The following UBE2W variants were observed in gnomAD, a reference collection of about 807,000 sequenced individuals.
UBE2W encodes ubiquitin conjugating enzyme E2 W, also known as ubiquitin-conjugating enzyme E2 W.
A neutral mutation model predicts 27.2 loss-of-function variants in UBE2W; 18 were observed. The ratio of observed to expected loss-of-function variants is 0.66; its 90% CI spans 0.46 to 0.98. The LOEUF is 0.98. UBE2W is among the 50% of genes least tolerant of loss of function. The pLI, the probability that UBE2W is intolerant of heterozygous loss-of-function variation, is 0.00. For missense variants in UBE2W, 90 were observed against 180.2 expected (o/e 0.50, Z 2.87); for synonymous variants, 53 against 57.2 (o/e 0.93, Z 0.33).
intron 3 of UBE2W, among the ~76,000 whole-genome samples, chr8:73,812,797 G>C: frequency 6.6e-6 from 1 of 152,012 alleles, no homozygotes; most frequent in East Asian, 1.9e-4. Flanking sequence ...GAGGTCAGCA[G>C]TTTGAGACCA....
At chr8:73,870,888 C>T (rs1172786249) in intron 1 of UBE2W, among the ~76,000 whole-genome samples, 2 of 147,636 alleles carry the variant, frequency 1.4e-5, no homozygotes, top group Non-Finnish European at 3.0e-5. Flanking sequence ...AAGAGCATTC[C>T]AAATAGAGAA....
chr8:73,856,357 AT>A lies in UBE2W; in HGVS notation c.15+22450del, dbSNP rs34593904. ...ATAGACAAATTATATACACTTATGA[AT>A]TTTTTTTTTTTTTTTTTTTTTTTGA... On this transcript the variant is annotated intron_variant, in intron 1 of 5. Coordinates refer to ENST00000602593, the MANE Select transcript of UBE2W (RefSeq NM_018299.6). Among the ~76,000 whole-genome samples the A allele has an allele frequency of 6.7e-3, 598 of 89,322 alleles. 3 individuals carry two copies. The highest frequency in any genetic ancestry group is 0.024 in the African/African-American group (548 of 22,526). 58.6% of individuals were successfully genotyped at this position (89,322 alleles called of 152,430 possible). A position where few individuals can be genotyped will look rare whatever the true frequency, so the allele number is the denominator to read the frequency against.
chr8:73,878,839 C>A lies in UBE2W; in HGVS notation c.-17G>T, dbSNP rs1015232386. ...TGACGCCATGATGGAACCATCCCCC[C>A]AAGACCGGCGAGGCCAGAGACGCAG... is the stretch of plus-strand genomic sequence containing the variant. On this transcript the variant is annotated 5_prime_UTR_variant, in exon 1 of 6. Transcript: ENST00000602593. 27 of 1,549,568 alleles carry A rather than the reference C, an allele frequency of 1.7e-5. No individual in the cohort carries two copies. Among genetic ancestry groups the A allele is most frequent in the Middle Eastern group, 1.7e-4 (1 of 5,978 alleles).
At chr8:73,862,506 C>T (rs952178056) in intron 1 of UBE2W, among the ~76,000 whole-genome samples, 1 of 151,662 alleles carries the variant, frequency 6.6e-6, no homozygotes, top group African/African-American at 2.4e-5. Flanking sequence ...CCATTCAGGA[C>T]ATAGGCATGG....
chr8:73,856,575 G>C (rs759483024), intron 1 of UBE2W, among the ~76,000 whole-genome samples: 1 of 151,412 alleles, frequency 6.6e-6, no homozygotes, highest in African/African-American at 2.4e-5. Flanking sequence ...GGTCTGGCTC[G>C]AACTCCTGAC....
chr8:73,831,946 A>G (rs1810083255), intron 1 of UBE2W: 1 of 151,914 alleles, frequency 6.6e-6, no homozygotes, highest in South Asian at 2.1e-4. Flanking sequence ...AATTTTTAAC[A>G]CGAGTTCCCA....
At chr8:73,833,355 TTAA>T (rs1221466087) in intron 1 of UBE2W, among the ~76,000 whole-genome samples, 2 of 151,668 alleles carry the variant, frequency 1.3e-5, no homozygotes, top group Non-Finnish European at 2.9e-5. Context: ...AAAGAAAATA[TTAA>T]TAAAATTTTA....
At chr8:73,784,249 C>G (rs965814806), downstream of UBE2W, among the ~76,000 whole-genome samples, 3 of 152,150 alleles carry the variant, frequency 2.0e-5, no homozygotes, top group African/African-American at 7.2e-5. Context: ...TGCCTTGATG[C>G]TCACCCAGCA....
intron 1 of UBE2W, chr8:73,831,199 T>G: frequency 2.3e-6 from 1 of 440,874 alleles, no homozygotes; most frequent in Non-Finnish European, 4.2e-6. Flanking sequence ...GTGGCTTTCC[T>G]GGAGAATCTG....
At chr8:73,878,604 C>T (rs893662973) in intron 1 of UBE2W, among the ~76,000 whole-genome samples, 16 of 152,170 alleles carry the variant, frequency 1.1e-4, no homozygotes, top group South Asian at 2.1e-4. Context: ...GTGTCCGCTT[C>T]GACCGACGGA....
Position 73,788,232 on chromosome 8 carries a change from T to C in UBE2W, c.*5870A>G, listed in dbSNP as rs536807426. The stretch of plus-strand genomic sequence containing the variant: ...TACATGTATTAAAAAATATATAACA[T>C]AGATTTGTCTGTTTTAACATTTATA... On this transcript the variant is annotated 3_prime_UTR_variant, in exon 6 of 6. Transcript: ENST00000602593. 3.3e-4 allele frequency: 315 copies of C among 944,262 alleles called. 5 individuals carry two copies. Among genetic ancestry groups the C allele is most frequent in the African/African-American group, 1.4e-3 (78 of 56,254 alleles). 58.5% of individuals were successfully genotyped at this position (944,262 alleles called of 1,614,324 possible).
intron 3 of UBE2W, among the ~76,000 whole-genome samples, chr8:73,822,280 A>C (rs1271835395): frequency 6.6e-6 from 1 of 152,158 alleles, no homozygotes; most frequent in African/African-American, 2.4e-5. Context: ...GGGGGCACTG[A>C]GAGACAGGAC....
rs986850834 is a variant in UBE2W at position 73,812,993 on chromosome 8, G to T, written c.211-2364C>A. Among the ~76,000 whole-genome samples the T allele has an allele frequency of 2.2e-5, 3 of 134,318 alleles. No homozygotes were observed. The Admixed American group carries it at 2.5e-4, about 11-fold the overall frequency. 88.1% of individuals were successfully genotyped at this position (134,318 alleles called of 152,430 possible). A position where few individuals can be genotyped will look rare whatever the true frequency, so the allele number is the denominator to read the frequency against. On this transcript the variant is annotated intron_variant, in intron 3 of 5. Coordinates refer to ENST00000602593, the MANE Select transcript of UBE2W (RefSeq NM_018299.6). ...GCACTCCAGCCTGGGCGACAAGAGCGAAACTCGGCCTTAAAAAAAAAAAAA... is the reference window on the plus strand; with the variant it reads ...GCACTCCAGCCTGGGCGACAAGAGCTAAACTCGGCCTTAAAAAAAAAAAAA...
At chr8:73,855,394 C>CTTTTTT (rs66577299) in intron 1 of UBE2W, among the ~76,000 whole-genome samples, 76 of 84,704 alleles carry the variant, frequency 9.0e-4, no homozygotes, top group South Asian at 1.4e-3. Context: ...ATTCTACTTT[C>CTTTTTT]TTTTTTTTTT....
exon 5 of UBE2W, chr8:73,780,493 G>A (rs1478913241): frequency 2.2e-6 from 1 of 453,252 alleles, no homozygotes; most frequent in East Asian, 7.0e-5. Context: ...ATCCGTAATA[G>A]ATAGTATGAA....
chr8:73,792,763 T>C lies in UBE2W; in HGVS notation c.*1339A>G. 1 of 985,604 alleles carries C rather than the reference T, an allele frequency of 1.0e-6. No homozygotes were observed. The highest frequency in any genetic ancestry group is 5.2e-4 in the Middle Eastern group (1 of 1,914). 61.1% of individuals were successfully genotyped at this position (985,604 alleles called of 1,614,324 possible). ...TTAGTTGTAGTATCATTAACTCACA[T>C]GGTACTGAGAACTGGACCTTTCAAC... On this transcript the variant is annotated 3_prime_UTR_variant, in exon 6 of 6. Coordinates refer to ENST00000602593, the MANE Select transcript of UBE2W (RefSeq NM_018299.6).
chr8:73,799,968 TTG>T (rs1261552340), intron 5 of UBE2W, among the ~76,000 whole-genome samples: 1 of 152,162 alleles, frequency 6.6e-6, no homozygotes, highest in Non-Finnish European at 1.5e-5. Flanking sequence ...AGATACTGAC[TTG>T]TGGAAAGTTC....
intron 4 of UBE2W, 67 bp downstream of exon 4, chr8:73,810,407 A>G (rs1270752008): frequency 1.0e-5 from 14 of 1,391,120 alleles, no homozygotes; most frequent in Non-Finnish European, 1.1e-5. Context: ...ATAATTACAT[A>G]TTAAAATTAT....
chr8:73,874,898 C>T (rs982047909), intron 1 of UBE2W, among the ~76,000 whole-genome samples: 2 of 151,986 alleles, frequency 1.3e-5, no homozygotes, highest in Non-Finnish European at 2.9e-5. Flanking sequence ...CCTGTCTCTA[C>T]AAAATACAAA....
Sources: gnomAD v4.1 joint callset for allele counts (sites outside exome capture counted in the v4.1 genomes callset) on GRCh38, gnomAD v4.1.1 for gene constraint, MANE v1.5 for transcripts, NCBI Gene and HGNC (gene_info 2026-07-23, HGNC 2026-07-21) for gene names.